Variants in CDKAL1 observed in about 807,000 individuals in gnomAD.
The protein encoded by CDKAL1 is CDKAL1 threonylcarbamoyladenosine tRNA methylthiotransferase.
CDKAL1 carries 32 observed loss-of-function variants against 68.2 expected under a neutral mutation model. That is an observed-to-expected ratio of 0.47 (90% CI 0.35 to 0.63). The LOEUF (loss-of-function observed/expected upper bound fraction) is 0.63, where lower values mean the gene tolerates loss of function less well. Ranked by LOEUF, CDKAL1 falls within the 30% of genes least tolerant of loss-of-function variation. The pLI is 0.00. For synonymous variants in CDKAL1, 234 were observed against 244.3 expected, an observed-to-expected ratio of 0.96 and a Z score of 0.39; for missense variants, 606 against 696.7, an observed-to-expected ratio of 0.87 and a Z score of 1.47.
intron 4 of CDKAL1, among the ~76,000 whole-genome samples, chr6:20,584,734 G>A (rs950995921): frequency 6.6e-5 from 10 of 152,178 alleles, no homozygotes; most frequent in African/African-American, 2.4e-4. Context: ...ATGACAAACA[G>A]CCCATTCCTC....
At chr6:20,977,461 G>C (rs1189398580) in intron 10 of CDKAL1, among the ~76,000 whole-genome samples, 1 of 152,156 alleles carries the variant, frequency 6.6e-6, no homozygotes, top group Non-Finnish European at 1.5e-5. Flanking sequence ...GTGAACTTAG[G>C]CAAATTATAT....
rs774453891 is a variant in CDKAL1 at position 20,739,640 on chromosome 6, G to C, written c.468+25G>C. 1.3e-5 allele frequency: 18 copies of C among 1,377,920 alleles called. No individual in the cohort carries two copies. In the African/African-American group the frequency reaches 2.5e-4, roughly 19 times the overall value. The allele number at this position is 1,377,920 out of a possible 1,614,324, so 85.4% of individuals were successfully genotyped here. A position where few individuals can be genotyped will look rare whatever the true frequency, so the allele number is the denominator to read the frequency against. On this transcript the variant is annotated intron_variant, in intron 6 of 15. Coordinates refer to ENST00000274695, the MANE Select transcript of CDKAL1 (RefSeq NM_017774.3). Reference sequence around the variant, plus strand: ...GGTAAGCTTGTACCTGATGCAAAAAGAGAAAATCTTACATTGTTAACACCT... The same window carrying C: ...GGTAAGCTTGTACCTGATGCAAAAACAGAAAATCTTACATTGTTAACACCT...
chr6:21,040,198 G>A (rs2150893320), intron 11 of CDKAL1, among the ~76,000 whole-genome samples: 1 of 152,254 alleles, frequency 6.6e-6, no homozygotes, highest in Middle Eastern at 3.4e-3. Flanking sequence ...TCAACTTGGT[G>A]CCGATTCTCA....
At chr6:21,138,306 A>T (rs1055898424) in intron 13 of CDKAL1, among the ~76,000 whole-genome samples, 2 of 152,168 alleles carry the variant, frequency 1.3e-5, no homozygotes, top group African/African-American at 4.8e-5. Flanking sequence ...TCAACCACAG[A>T]CAACCATAAC....
rs11966086 is a variant in CDKAL1, at chr6:20,851,744, A to G, written c.742+5566A>G. 3.8e-3 allele frequency among the ~76,000 whole-genome samples: 578 copies of G among 151,850 alleles called. 3 individuals carry two copies. The highest frequency in any genetic ancestry group is 0.013 in the African/African-American group (554 of 41,390). ...TTTAAAAAATGGATTCTGTATTTCA[A>G]GACTTGCAAAGATACTATCTAGTAT... is the stretch of plus-strand genomic sequence containing the variant. On this transcript the variant is annotated intron_variant, in intron 9 of 15. Coordinates refer to ENST00000274695, the MANE Select transcript of CDKAL1 (RefSeq NM_017774.3).
At position 21,215,208 on chromosome 6, in the gene CDKAL1, G is replaced by A. The variant is rs547770465; in HGVS notation, c.1548+13934G>A. Among the ~76,000 whole-genome samples the A allele has an allele frequency of 2.6e-5, 4 of 152,308 alleles. No homozygotes were observed. In the East Asian group the frequency reaches 7.7e-4, roughly 29 times the overall value. On this transcript the variant is annotated intron_variant, in intron 15 of 15. Coordinates refer to ENST00000274695, the MANE Select transcript of CDKAL1 (RefSeq NM_017774.3). ...GGGACTCCGTGGGTGAATCAGCCCT[G>A]CTCCGCATGCCTCATCCTTCAACTG...
intron 8 of CDKAL1, among the ~76,000 whole-genome samples, chr6:20,840,966 T>A (rs1778151271): frequency 6.6e-6 from 1 of 152,194 alleles, no homozygotes; most frequent in East Asian, 1.9e-4. Flanking sequence ...TTTCCAAGAT[T>A]TAGTTCTTGT....
chr6:21,038,163 C>CT (rs1209433105), intron 11 of CDKAL1, among the ~76,000 whole-genome samples: 5 of 152,240 alleles, frequency 3.3e-5, no homozygotes, highest in Admixed American at 2.0e-4. Flanking sequence ...TGAAGATACT[C>CT]TAACTTGAAG....
chr6:20,536,492 T>C (rs1763177418), intron 2 of CDKAL1, among the ~76,000 whole-genome samples: 2 of 152,154 alleles, frequency 1.3e-5, no homozygotes, highest in South Asian at 2.1e-4. Flanking sequence ...GTGTCATTTG[T>C]TGAAAAAAAA....
At chr6:20,815,007 G>A (rs1221079635) in intron 8 of CDKAL1, among the ~76,000 whole-genome samples, 1 of 152,154 alleles carries the variant, frequency 6.6e-6, no homozygotes, top group African/African-American at 2.4e-5. Context: ...CATCTTGTCT[G>A]TTTTCCTCCT....
At chr6:20,748,989 A>ATG (rs200070564) in intron 6 of CDKAL1, among the ~76,000 whole-genome samples, 2 of 135,930 alleles carry the variant, frequency 1.5e-5, no homozygotes, top group East Asian at 1.9e-4. Flanking sequence ...ATATATATGT[A>ATG]TGTGTGTGTA....
At chr6:21,145,126 A>C (rs1776105265) in intron 13 of CDKAL1, among the ~76,000 whole-genome samples, 1 of 152,110 alleles carries the variant, frequency 6.6e-6, no homozygotes, top group African/African-American at 2.4e-5. Context: ...GCTCATTTGC[A>C]TGCACTTGAT....
At chr6:21,183,676 A>G (rs995895992) in intron 13 of CDKAL1, among the ~76,000 whole-genome samples, 4 of 152,178 alleles carry the variant, frequency 2.6e-5, no homozygotes, top group Admixed American at 1.3e-4. Flanking sequence ...AGTTAAATAT[A>G]GACCATCCTG....
chr6:20,749,839 GC>G (rs1773837812), intron 6 of CDKAL1, among the ~76,000 whole-genome samples: 1 of 151,608 alleles, frequency 6.6e-6, no homozygotes, highest in South Asian at 2.1e-4. Context: ...GAGCCACCAC[GC>G]CCAGCCCCAG....
chr6:20,581,506 A>G (rs1765142792), intron 4 of CDKAL1, among the ~76,000 whole-genome samples: 1 of 152,200 alleles, frequency 6.6e-6, no homozygotes. Context: ...TATTTGAAGA[A>G]AAATTTTATA....
At chr6:20,737,433 C>T (rs1773246898) in intron 5 of CDKAL1, among the ~76,000 whole-genome samples, 1 of 152,168 alleles carries the variant, frequency 6.6e-6, no homozygotes, top group African/African-American at 2.4e-5. Context: ...CTTAGATATG[C>T]TTAATAAGAA....
intron 9 of CDKAL1, among the ~76,000 whole-genome samples, chr6:20,868,309 A>G (rs191194422): frequency 7.0e-4 from 106 of 152,354 alleles, no homozygotes; most frequent in African/African-American, 2.4e-3. Flanking sequence ...TGATAACACT[A>G]AATTTTCATG....
chr6:20,666,782 T>C, intron 5 of CDKAL1, among the ~76,000 whole-genome samples: 1 of 151,960 alleles, frequency 6.6e-6, no homozygotes, highest in East Asian at 1.9e-4. Flanking sequence ...CTGATGACAT[T>C]TTTGAAGTGT....
intron 13 of CDKAL1, among the ~76,000 whole-genome samples, chr6:21,163,076 A>G (rs2151065942): frequency 6.6e-6 from 1 of 152,312 alleles, no homozygotes; most frequent in East Asian, 1.9e-4. Flanking sequence ...ACTGGGACAG[A>G]ACAATATTAG....
Sources: allele counts gnomAD v4.1 joint callset (sites outside exome capture counted in the v4.1 genomes callset), GRCh38; gene constraint gnomAD v4.1.1; transcripts MANE v1.5; gene names NCBI Gene and HGNC (gene_info 2026-07-23, HGNC 2026-07-21).